The following CEP57L1 variants were observed in gnomAD, a reference collection of about 807,000 sequenced individuals.
The protein encoded by CEP57L1 is centrosomal protein CEP57L1.
Under a neutral mutation model 61.0 loss-of-function variants are expected in CEP57L1, and 37 were observed. That is an observed-to-expected ratio of 0.61 (90% CI 0.47 to 0.80). The LOEUF (loss-of-function observed/expected upper bound fraction) is 0.80. CEP57L1 is among the 30% of genes least tolerant of loss of function. CEP57L1 has a pLI of 0.00. For missense variants in CEP57L1, 422 were observed against 524.7 expected (o/e 0.80, Z 1.91); for synonymous variants, 137 against 162.3 (o/e 0.84, Z 1.19).
chr6:109,138,417 G>T (rs765629186), intron 1 of CEP57L1, among the ~76,000 whole-genome samples: 1 of 152,160 alleles, frequency 6.6e-6, no homozygotes, highest in Non-Finnish European at 1.5e-5. Context: ...AACATGGGAT[G>T]TGAGAGAGAG....
intron 1 of CEP57L1, among the ~76,000 whole-genome samples, chr6:109,112,004 G>A (rs1245507648): frequency 1.3e-5 from 2 of 152,152 alleles, no homozygotes; most frequent in Non-Finnish European, 2.9e-5. Context: ...TTGTGTCTCT[G>A]CCAGGTTTTG....
In CEP57L1 at chr6:109,155,784, A is replaced by G. The variant is rs1464480245; in HGVS notation, c.658-7A>G. On this transcript the variant is annotated splice_polypyrimidine_tract_variant and splice_region_variant and intron_variant, in intron 6 of 10. Coordinates refer to ENST00000517392, the MANE Select transcript of CEP57L1 (RefSeq NM_001271852.3). ...CAATGTTATAACCTTTTTTTTAAAT[A>G]TTACAGCTTCAAACTGGACTTGAAA... The G allele has an allele frequency of 3.5e-6, 5 of 1,430,518 alleles. No individual in the cohort carries two copies. The highest frequency in any genetic ancestry group is 4.9e-6 in the Non-Finnish European group (5 of 1,024,368). 88.6% of individuals were successfully genotyped at this position (1,430,518 alleles called of 1,614,324 possible).
At chr6:109,101,265 T>C (rs1452538114) in intron 1 of CEP57L1, among the ~76,000 whole-genome samples, 2 of 152,242 alleles carry the variant, frequency 1.3e-5, no homozygotes, top group African/African-American at 4.8e-5. Flanking sequence ...TTGCTAACTT[T>C]GGTCATGGAC....
chr6:109,125,713 T>C (rs1020787021), intron 1 of CEP57L1, among the ~76,000 whole-genome samples: 2 of 151,274 alleles, frequency 1.3e-5, no homozygotes, highest in Admixed American at 1.3e-4. Flanking sequence ...GACTGATTGA[T>C]TGATTGATTG....
At chr6:109,097,580 G>T (rs898840740) in intron 1 of CEP57L1, among the ~76,000 whole-genome samples, 1 of 152,168 alleles carries the variant, frequency 6.6e-6, no homozygotes, top group Admixed American at 6.5e-5. Flanking sequence ...TATATAACAG[G>T]ACATTGAAGA....
At chr6:109,129,178 C>T (rs987970451) in intron 1 of CEP57L1, 18 of 220,292 alleles carry the variant, frequency 8.2e-5, no homozygotes, top group East Asian at 3.5e-4. Flanking sequence ...CCAGCCTGGG[C>T]GACAGAGAGA....
In CEP57L1 at chr6:109,167,249, A is replaced by G. The variant is rs747238805; in HGVS notation, c.*4279A>G. 6.6e-5 allele frequency among the ~76,000 whole-genome samples: 10 copies of G among 152,174 alleles called. No homozygotes were observed. The highest frequency in any genetic ancestry group is 4.4e-5 in the Non-Finnish European group (3 of 68,024). On this transcript the variant is annotated 3_prime_UTR_variant, in exon 11 of 11. Coordinates refer to ENST00000517392, the MANE Select transcript of CEP57L1 (RefSeq NM_001271852.3). ...GAGAATTAGACATAGAAAAATTATA[A>G]ATTTAAGCCTTAAAATAATGTCTGG... is the stretch of plus-strand genomic sequence containing the variant.
At chr6:109,129,857 A>G (rs1773983137) in intron 1 of CEP57L1, among the ~76,000 whole-genome samples, 2 of 151,786 alleles carry the variant, frequency 1.3e-5, no homozygotes, top group African/African-American at 4.8e-5. Flanking sequence ...TTCTTTAAAA[A>G]TTGTTTTAAT....
Position 109,095,595 on chromosome 6 carries a change from T to A in CEP57L1, c.-4+20T>A, listed in dbSNP as rs1781591823. The A allele has an allele frequency of 3.0e-6, 3 of 985,176 alleles. No homozygotes were observed. In the South Asian group the frequency reaches 1.4e-4, roughly 46 times the overall value. 61.0% of individuals were successfully genotyped at this position (985,176 alleles called of 1,614,324 possible). On this transcript the variant is annotated intron_variant, in intron 1 of 10. Transcript: ENST00000517392. Reference sequence around the variant, plus strand: ...TGCTTGGTAAGCACTGTAAGCTGGGTTGTCACCTTTCCTTGACAGGGTTTT... The same window carrying A: ...TGCTTGGTAAGCACTGTAAGCTGGGATGTCACCTTTCCTTGACAGGGTTTT...
At chr6:109,099,367 T>C (rs1471876845) in intron 1 of CEP57L1, among the ~76,000 whole-genome samples, 1 of 151,878 alleles carries the variant, frequency 6.6e-6, no homozygotes, top group Non-Finnish European at 1.5e-5. Context: ...ATGAAGAAAG[T>C]AATTAAGGAG....
chr6:109,124,105 T>C (rs1027686388), intron 1 of CEP57L1, among the ~76,000 whole-genome samples: 3 of 152,102 alleles, frequency 2.0e-5, no homozygotes, highest in South Asian at 2.1e-4. Flanking sequence ...TTCTATTGCC[T>C]TATCATCTCT....
chr6:109,109,604 A>G (rs2114616866), intron 1 of CEP57L1, among the ~76,000 whole-genome samples: 1 of 152,314 alleles, frequency 6.6e-6, no homozygotes, highest in Middle Eastern at 3.4e-3. Flanking sequence ...GGTTTGTTAC[A>G]TAGGTATACA....
Position 109,129,236 on chromosome 6 carries a change from A to C in CEP57L1, c.-3-15983A>C, listed in dbSNP as rs572492957. The C allele has an allele frequency of 4.4e-4, 243 of 556,610 alleles. No individual in the cohort carries two copies. In the African/African-American group the frequency reaches 4.5e-3, roughly 10 times the overall value. 34.5% of individuals were successfully genotyped at this position (556,610 alleles called of 1,614,324 possible). On this transcript the variant is annotated intron_variant, in intron 1 of 10. Transcript: ENST00000517392. ...CAAAAAAACTAACTGGAAACTCCAA[A>C]TCTATCCAATCAATTCATTTTATCG...
At chr6:109,162,496 A>G (rs1562153067) in intron 10 of CEP57L1, among the ~76,000 whole-genome samples, 1 of 152,020 alleles carries the variant, frequency 6.6e-6, no homozygotes, top group South Asian at 2.1e-4. Context: ...TAGTTGTCAC[A>G]TATGTGCTTT....
intron 1 of CEP57L1, among the ~76,000 whole-genome samples, chr6:109,129,058 G>C (rs1393752454): frequency 1.3e-5 from 2 of 152,252 alleles, no homozygotes; most frequent in Middle Eastern, 3.4e-3. Context: ...AAATTAGCCA[G>C]GCATGGTGGC....
At chr6:109,132,409 A>G (rs1739726020) in intron 1 of CEP57L1, among the ~76,000 whole-genome samples, 1 of 152,114 alleles carries the variant, frequency 6.6e-6, no homozygotes, top group African/African-American at 2.4e-5. Flanking sequence ...TTCACCCAAC[A>G]GTTTTCTAAG....
intron 7 of CEP57L1, chr6:109,157,679 A>G (rs1232957735): frequency 1.3e-5 from 2 of 152,160 alleles, no homozygotes; most frequent in Non-Finnish European, 2.9e-5. Context: ...TTAAAATGGA[A>G]AATATAGCTT....
rs1382612201 is a variant in CEP57L1 at position 109,118,892 on chromosome 6, G to A, written c.-4+23317G>A. ...AAGTATTAAATTAGGTGCTGAGATT[G>A]CAAAGATGAATAAGACTTTGATGAA... On this transcript the variant is annotated intron_variant, in intron 1 of 10. Coordinates refer to ENST00000517392, the MANE Select transcript of CEP57L1 (RefSeq NM_001271852.3). 2.6e-5 allele frequency among the ~76,000 whole-genome samples: 4 copies of A among 152,190 alleles called. No homozygotes were observed. The East Asian group carries it at 7.7e-4, about 29-fold the overall frequency.
At chr6:109,099,676 A>G (rs1782140530) in intron 1 of CEP57L1, among the ~76,000 whole-genome samples, 2 of 152,144 alleles carry the variant, frequency 1.3e-5, no homozygotes, top group Non-Finnish European at 2.9e-5. Flanking sequence ...CAGCCTCCTG[A>G]GTAGCTGGGA....
Sources: gnomAD v4.1 joint callset for allele counts (sites outside exome capture counted in the v4.1 genomes callset) on GRCh38, gnomAD v4.1.1 for gene constraint, MANE v1.5 for transcripts, NCBI Gene and HGNC (gene_info 2026-07-23, HGNC 2026-07-21) for gene names.